The following LRRC58 variants were observed in gnomAD, a reference collection of about 807,000 sequenced individuals.
LRRC58 encodes the protein leucine-rich repeat-containing protein 58.
Under a neutral mutation model 30.6 loss-of-function variants are expected in LRRC58, and 18 were observed. The observed-to-expected ratio is 0.59, with a 90% CI of 0.41 to 0.87. The LOEUF is 0.87. Ranked by LOEUF, LRRC58 falls within the 40% of genes least tolerant of loss-of-function variation. The pLI is 0.00. For missense variants in LRRC58, 420 were observed against 468.4 expected (o/e 0.90, Z 0.95); for synonymous variants, 221 against 206.0 (o/e 1.07, Z -0.62).
intron 1 of LRRC58, among the ~76,000 whole-genome samples, chr3:120,337,810 A>G (rs1014196457): frequency 9.9e-5 from 15 of 152,062 alleles, no homozygotes; most frequent in Non-Finnish European, 2.1e-4. Context: ...ACTTCCTGAA[A>G]TGAGCCTTAA....
chr3:120,326,535 C>A lies in LRRC58; in HGVS notation c.*4665G>T, dbSNP rs539580546. Reference sequence around the variant, plus strand: ...ATAGCACTTAATATGGAAACTGGGACATTCAATACAGAAGGAATCAGAAAT... The same window carrying A: ...ATAGCACTTAATATGGAAACTGGGAAATTCAATACAGAAGGAATCAGAAAT... On this transcript the variant is annotated 3_prime_UTR_variant, in exon 4 of 4. Coordinates refer to ENST00000295628, the MANE Select transcript of LRRC58 (RefSeq NM_001099678.2). The A allele has an allele frequency of 1.3e-5, 2 of 152,144 alleles. No homozygotes were observed. Among genetic ancestry groups the A allele is most frequent in the South Asian group, 4.1e-4 (2 of 4,828 alleles). The allele number at this position is 152,144 out of a possible 1,614,324, so 9.4% of individuals were successfully genotyped here.
At chr3:120,332,754 C>CT (rs555485502) in intron 3 of LRRC58, among the ~76,000 whole-genome samples, 6,527 of 146,770 alleles carry the variant, frequency 0.044, 349 homozygotes, top group African/African-American at 0.13. Flanking sequence ...TAAACTGATA[C>CT]TTTTTTTTTT....
chr3:120,345,289 T>C (rs1431404401), intron 1 of LRRC58, among the ~76,000 whole-genome samples: 2 of 152,212 alleles, frequency 1.3e-5, no homozygotes, highest in African/African-American at 2.4e-5. Context: ...ATGGATTATA[T>C]AGTCTGTACT....
At chr3:120,344,761 A>T (rs1225050607) in intron 1 of LRRC58, among the ~76,000 whole-genome samples, 1 of 152,218 alleles carries the variant, frequency 6.6e-6, no homozygotes, top group Non-Finnish European at 1.5e-5. Flanking sequence ...GTTTACTTAA[A>T]TAAAGTCTAT....
chr3:120,343,615 A>T (rs574372149), intron 1 of LRRC58, among the ~76,000 whole-genome samples: 18 of 152,244 alleles, frequency 1.2e-4, no homozygotes, highest in Non-Finnish European at 2.4e-4. Context: ...GGGATACTGC[A>T]GTGGATGCCT....
At chr3:120,337,993 C>A (rs142172294) in intron 1 of LRRC58, among the ~76,000 whole-genome samples, 1 of 152,214 alleles carries the variant, frequency 6.6e-6, no homozygotes, top group East Asian at 1.9e-4. Flanking sequence ...CAGGTCCCTG[C>A]CACCATGCCT....
chr3:120,347,249 TGAA>T (rs1935979587), intron 1 of LRRC58, among the ~76,000 whole-genome samples: 1 of 152,088 alleles, frequency 6.6e-6, no homozygotes, highest in African/African-American at 2.4e-5. Context: ...GAAGAGTAAA[TGAA>T]GAGACATCTT....
chr3:120,340,009 C>T (rs1001821502), intron 1 of LRRC58, among the ~76,000 whole-genome samples: 7 of 151,478 alleles, frequency 4.6e-5, no homozygotes, highest in African/African-American at 9.7e-5. Flanking sequence ...TACAGGCGCC[C>T]GCCACCACGC....
rs761769769 is a variant in LRRC58 at position 120,349,129 on chromosome 3, G to T, written c.115C>A (p.Arg39=). The change falls in exon 1 of 4, where the codon CGG becomes AGG. Residue 39 remains arginine, a synonymous_variant. Coordinates refer to ENST00000295628, the MANE Select transcript of LRRC58 (RefSeq NM_001099678.2). ...ESELEARGEE[R]RGAREALLRL... Reference sequence around the variant, plus strand: ...AGCAGCGCCTCCCGCGCCCCGCGCCGCTCCTCCCCCCGCGCCTCCAGCTCA... The same window carrying T: ...AGCAGCGCCTCCCGCGCCCCGCGCCTCTCCTCCCCCCGCGCCTCCAGCTCA... 7.3e-6 allele frequency: 11 copies of T among 1,505,870 alleles called. No individual in the cohort carries two copies. The Middle Eastern group carries it at 1.0e-3, about 137-fold the overall frequency. 93.3% of individuals were successfully genotyped at this position (1,505,870 alleles called of 1,614,324 possible). A position where few individuals can be genotyped will look rare whatever the true frequency, so the allele number is the denominator to read the frequency against.
Position 120,345,752 on chromosome 3 carries a change from G to A in LRRC58, c.500+2992C>T, listed in dbSNP as rs1470348880. Among the ~76,000 whole-genome samples, 3 of 152,152 alleles carry A rather than the reference G, an allele frequency of 2.0e-5. No homozygotes were observed. The East Asian group carries it at 5.8e-4, about 29-fold the overall frequency. The stretch of plus-strand genomic sequence containing the variant: ...GTGGAGCATAGCCTAAACCTTTACC[G>A]ATTCTTAGCAGTAACGAGAAATAAG... On this transcript the variant is annotated intron_variant, in intron 1 of 3. Coordinates refer to ENST00000295628, the MANE Select transcript of LRRC58 (RefSeq NM_001099678.2).
At position 120,349,298 on chromosome 3, in the gene LRRC58, C is replaced by T. The variant is rs1401096425; in HGVS notation, c.-55G>A. On this transcript the variant is annotated 5_prime_UTR_variant, in exon 1 of 4. Transcript: ENST00000295628. ...ATTCCCCAGAGCGCCGCGCGCGGTC[C>T]AGAGGCCGGGAGCTCTGCGGCGCCC... is the stretch of plus-strand genomic sequence containing the variant. 23 of 1,342,460 alleles carry T rather than the reference C, an allele frequency of 1.7e-5. No individual in the cohort carries two copies. The highest frequency in any genetic ancestry group is 8.3e-5 in the Admixed American group (2 of 24,182). 83.2% of individuals were successfully genotyped at this position (1,342,460 alleles called of 1,614,324 possible).
At chr3:120,331,460 T>G in intron 3 of LRRC58, 52 bp from the exon 4 acceptor site, 1 of 1,398,656 alleles carries the variant, frequency 7.1e-7, no homozygotes, top group South Asian at 1.2e-5. Flanking sequence ...GGAATCAATT[T>G]CTTTTTCAGC....
intron 2 of LRRC58, 28 bp downstream of exon 2, chr3:120,335,797 G>A (rs574227851): frequency 5.0e-6 from 8 of 1,585,470 alleles, no homozygotes; most frequent in South Asian, 2.2e-5. Context: ...AGATGTCTGC[G>A]TATATACAAA....
At chr3:120,331,775 A>G (rs1935760878) in intron 3 of LRRC58, among the ~76,000 whole-genome samples, 1 of 152,216 alleles carries the variant, frequency 6.6e-6, no homozygotes, top group African/African-American at 2.4e-5. Context: ...GTCACAGACT[A>G]AAACAAAACA....
intron 1 of LRRC58, 53 bp from the exon 2 acceptor site, chr3:120,336,006 C>T: frequency 2.3e-6 from 3 of 1,318,932 alleles, no homozygotes; most frequent in Non-Finnish European, 3.2e-6. Flanking sequence ...GAAAAAGATA[C>T]CCCATTGTGT....
At chr3:120,344,304 T>C (rs919499277) in intron 1 of LRRC58, among the ~76,000 whole-genome samples, 1 of 152,204 alleles carries the variant, frequency 6.6e-6, no homozygotes, top group African/African-American at 2.4e-5. Context: ...GGTACCTATA[T>C]GTTCAAAAGT....
rs185126912 is a variant in LRRC58, at chr3:120,337,103, T to C, written c.501-1150A>G. Among the ~76,000 whole-genome samples, 686 of 152,156 alleles carry C rather than the reference T, an allele frequency of 4.5e-3. 4 individuals are homozygous for C. Among genetic ancestry groups the C allele is most frequent in the Non-Finnish European group, 4.5e-3 (303 of 67,990 alleles). ...CTATGAAGTCCTGACCCCATCCAGA[T>C]GCACTAAATACTGTCTCCCTCCCTT... On this transcript the variant is annotated intron_variant, in intron 1 of 3. Transcript: ENST00000295628.
At position 120,325,679 on chromosome 3, in the gene LRRC58, T is replaced by A. The variant is rs547472416; in HGVS notation, c.*5521A>T. 1.3e-5 allele frequency: 2 copies of A among 152,314 alleles called. No individual in the cohort carries two copies. Among genetic ancestry groups the A allele is most frequent in the South Asian group, 4.1e-4 (2 of 4,824 alleles). The allele number at this position is 152,314 out of a possible 1,614,324, so 9.4% of individuals were successfully genotyped here. ...TTACATACAAAAGTATTCAAACATGTCTCACTTTCAACCTATATTACAAAG... is the reference window on the plus strand; with the variant it reads ...TTACATACAAAAGTATTCAAACATGACTCACTTTCAACCTATATTACAAAG... On this transcript the variant is annotated 3_prime_UTR_variant, in exon 4 of 4. Coordinates refer to ENST00000295628, the MANE Select transcript of LRRC58 (RefSeq NM_001099678.2).
Position 120,331,288 on chromosome 3 carries a change from G to A in LRRC58, c.1028C>T (p.Ser343Phe). 6.2e-7 allele frequency: 1 copy of A among 1,614,000 alleles called. No homozygotes were observed. Among genetic ancestry groups the A allele is most frequent in the Non-Finnish European group, 8.5e-7 (1 of 1,179,876 alleles). ...PECSSPCSSA[S>F]HSSTSQSESD... ...TTCACTCTGGGAAGTGGAGCTGTGAGAGGCAGAACTGCAAGGGGAAGAACA... is the reference window on the plus strand; with the variant it reads ...TTCACTCTGGGAAGTGGAGCTGTGAAAGGCAGAACTGCAAGGGGAAGAACA... Residue 343 changes from serine to phenylalanine, a missense_variant, in exon 4 of 4, where the codon TCT becomes TTT. By Grantham distance (155) the Ser-to-Phe change is radical (BLOSUM62 -2). Around this residue, in one of 2 missense-constraint regions of LRRC58, gnomAD observed 154 missense variants for 216.8 expected, o/e 0.71. Coordinates refer to ENST00000295628, the MANE Select transcript of LRRC58 (RefSeq NM_001099678.2).
Sources: allele counts gnomAD v4.1 joint callset (sites outside exome capture counted in the v4.1 genomes callset), GRCh38; gene constraint gnomAD v4.1.1; regional missense constraint gnomAD v4.1.1; transcripts MANE v1.5; gene names NCBI Gene and HGNC (gene_info 2026-07-23, HGNC 2026-07-21).